AP2B1: variants seen among roughly 807,000 people sequenced by gnomAD.
AP2B1 encodes AP-2 complex subunit beta.
A neutral mutation model predicts 102.0 loss-of-function variants in AP2B1; 23 were observed. The ratio of observed to expected loss-of-function variants is 0.23; its 90% confidence interval spans 0.16 to 0.32. The LOEUF (loss-of-function observed/expected upper bound fraction) is 0.32. Ranked by LOEUF, AP2B1 falls within the 10% of genes least tolerant of loss-of-function variation. The probability of loss-of-function intolerance (pLI) is 1.00; values close to 1 mark genes in which losing one functional copy is unlikely to be tolerated. For missense variants in AP2B1, 541 were observed against 1,157.4 expected (o/e 0.47, Z 7.73); for synonymous variants, 381 against 421.2 (o/e 0.90, Z 1.17).
chr17:35,678,784 A>G (rs1423838306), intron 17 of AP2B1, among the ~76,000 whole-genome samples: 3 of 152,034 alleles, frequency 2.0e-5, no homozygotes, highest in African/African-American at 7.2e-5. Flanking sequence ...TATGTTCATG[A>G]TATATTTACT....
At position 35,669,440 on chromosome 17, in the gene AP2B1, C is replaced by G. The variant is rs896658216; in HGVS notation, c.1990-1417C>G. ...TACAGGCATGAGCCACCACGCCCAG[C>G]CAAGGATGATCTTTTTATTTATTTA... On this transcript the variant is annotated intron_variant, in intron 14 of 21. Coordinates refer to ENST00000610402, the MANE Select transcript of AP2B1 (RefSeq NM_001030006.2). Among the ~76,000 whole-genome samples the G allele has an allele frequency of 3.9e-5, 6 of 152,288 alleles. No homozygotes were observed. In the South Asian group the frequency reaches 6.2e-4, roughly 16 times the overall value.
intron 18 of AP2B1, among the ~76,000 whole-genome samples, chr17:35,693,211 G>T (rs1567999052): frequency 1.3e-5 from 2 of 151,992 alleles, no homozygotes; most frequent in East Asian, 1.9e-4. Flanking sequence ...TAGAGATGAG[G>T]TTTTTTCACC....
At chr17:35,621,424 G>GA in intron 5 of AP2B1, 3 of 818,568 alleles carry the variant, frequency 3.7e-6, no homozygotes, top group Non-Finnish European at 4.4e-6. Flanking sequence ...ATTAGGAGAT[G>GA]AAAGTGTAGA....
At chr17:35,659,099 T>C (rs982092245) in intron 14 of AP2B1, among the ~76,000 whole-genome samples, 1 of 152,252 alleles carries the variant, frequency 6.6e-6, no homozygotes, top group Admixed American at 6.5e-5. Context: ...ATTCTACTTA[T>C]ATTGCTGTAT....
chr17:35,647,715 A>G (rs997364173), intron 12 of AP2B1, among the ~76,000 whole-genome samples: 9 of 152,182 alleles, frequency 5.9e-5, no homozygotes, highest in African/African-American at 9.7e-5. Context: ...AAATCTATAT[A>G]GTCAAAAACA....
At chr17:35,673,174 G>A (rs1017609060) in intron 16 of AP2B1, among the ~76,000 whole-genome samples, 4 of 151,944 alleles carry the variant, frequency 2.6e-5, no homozygotes, top group African/African-American at 9.7e-5. Flanking sequence ...TTGGTATTCT[G>A]TCTTAGGTGG....
chr17:35,698,092 G>A (rs587657850), intron 18 of AP2B1, among the ~76,000 whole-genome samples: 1 of 152,108 alleles, frequency 6.6e-6, no homozygotes, highest in East Asian at 1.9e-4. Flanking sequence ...TTTAAAAAAG[G>A]GTAGTCATCT....
intron 16 of AP2B1, among the ~76,000 whole-genome samples, chr17:35,672,794 T>G (rs1411858368): frequency 6.6e-6 from 1 of 152,242 alleles, no homozygotes; most frequent in Non-Finnish European, 1.5e-5. Context: ...ATAAAAGTAT[T>G]GTATACAAAT....
At chr17:35,631,433 T>C (rs2074457801) in intron 9 of AP2B1, among the ~76,000 whole-genome samples, 2 of 152,186 alleles carry the variant, frequency 1.3e-5, no homozygotes, top group Non-Finnish European at 2.9e-5. Context: ...CTCTCAGATA[T>C]GCAGTGGACA....
At chr17:35,628,870 A>G (rs1341626478) in intron 9 of AP2B1, among the ~76,000 whole-genome samples, 2 of 151,760 alleles carry the variant, frequency 1.3e-5, no homozygotes, top group Non-Finnish European at 2.9e-5. Context: ...GCATATTACG[A>G]CTGTGTAAAT....
intron 2 of AP2B1, 60 bp downstream of exon 2, chr17:35,594,127 C>A (rs2073186065): frequency 8.1e-7 from 1 of 1,234,330 alleles, no homozygotes; most frequent in Non-Finnish European, 1.1e-6. Flanking sequence ...TGTAAGATTG[C>A]CCCAGGCAGA....
At chr17:35,687,667 G>A (rs1327020603) in intron 18 of AP2B1, among the ~76,000 whole-genome samples, 1 of 151,926 alleles carries the variant, frequency 6.6e-6, no homozygotes, top group African/African-American at 2.4e-5. Context: ...GCTACCTTAG[G>A]AGAATCTCAA....
intron 5 of AP2B1, among the ~76,000 whole-genome samples, chr17:35,618,569 G>T (rs2074088503): frequency 1.3e-5 from 2 of 152,114 alleles, no homozygotes; most frequent in South Asian, 4.1e-4. Flanking sequence ...AGTTTCTAAG[G>T]TTCCAAGGCC....
chr17:35,612,892 A>G lies in AP2B1; in HGVS notation c.525+4505A>G, dbSNP rs905086933. ...AATGTGTATGTGCGCACACACACAC[A>G]CACACACACACACACAGAACTGCTT... is the stretch of plus-strand genomic sequence containing the variant. On this transcript the variant is annotated intron_variant, in intron 5 of 21. Coordinates refer to ENST00000610402, the MANE Select transcript of AP2B1 (RefSeq NM_001030006.2). Among the ~76,000 whole-genome samples the G allele has an allele frequency of 9.4e-4, 142 of 150,722 alleles. No homozygotes were observed. In the East Asian group the frequency reaches 0.016, roughly 17 times the overall value.
At chr17:35,668,298 G>A (rs2075513556) in intron 14 of AP2B1, among the ~76,000 whole-genome samples, 1 of 152,138 alleles carries the variant, frequency 6.6e-6, no homozygotes, top group Non-Finnish European at 1.5e-5. Context: ...CTGAGCAGAT[G>A]AAGTCTTGTC....
chr17:35,596,641 C>T (rs1471846224), intron 2 of AP2B1, among the ~76,000 whole-genome samples: 1 of 151,954 alleles, frequency 6.6e-6, no homozygotes, highest in Admixed American at 6.5e-5. Flanking sequence ...CAGCCTGCCT[C>T]ATCAGGGCCT....
chr17:35,647,373 T>G (rs988165959), intron 12 of AP2B1, among the ~76,000 whole-genome samples: 2 of 152,076 alleles, frequency 1.3e-5, no homozygotes, highest in Non-Finnish European at 2.9e-5. Flanking sequence ...TAGGAGCAAA[T>G]TAGTCCCTCA....
chr17:35,719,598 T>G (rs1555591779), intron 21 of AP2B1, among the ~76,000 whole-genome samples: 1 of 152,266 alleles, frequency 6.6e-6, no homozygotes, highest in East Asian at 1.9e-4. Flanking sequence ...TAGTTCACTG[T>G]GTCCATGTAC....
At chr17:35,717,487 G>A in intron 21 of AP2B1, 138 bp downstream of exon 21, 1 of 956,288 alleles carries the variant, frequency 1.0e-6, no homozygotes, top group East Asian at 2.5e-5. Flanking sequence ...CAATGAAGAA[G>A]CTTCCATTTG....
Sources: allele counts gnomAD v4.1 joint callset (sites outside exome capture counted in the v4.1 genomes callset), GRCh38; gene constraint gnomAD v4.1.1; transcripts MANE v1.5; gene names NCBI Gene and HGNC (gene_info 2026-07-23, HGNC 2026-07-21).